The following RPS6KA5 variants were observed in gnomAD, a reference collection of about 807,000 sequenced individuals.
RPS6KA5 encodes ribosomal protein S6 kinase alpha-5.
RPS6KA5 carries 27 observed loss-of-function variants against 85.5 expected under a neutral mutation model. The ratio of observed to expected loss-of-function variants is 0.32; its 90% CI spans 0.23 to 0.44. The LOEUF (loss-of-function observed/expected upper bound fraction) is 0.44. Among genes scored for constraint, RPS6KA5 ranks in the 20% least tolerant of loss-of-function variants. The pLI, the probability that RPS6KA5 is intolerant of heterozygous loss-of-function variation, is 1.00. For missense variants in RPS6KA5, 811 were observed against 980.9 expected (o/e 0.83, Z 2.31); for synonymous variants, 334 against 348.2 (o/e 0.96, Z 0.46).
chr14:91,019,720 G>A (rs529240570), intron 1 of RPS6KA5, among the ~76,000 whole-genome samples: 10 of 152,190 alleles, frequency 6.6e-5, no homozygotes, highest in Admixed American at 2.0e-4. Flanking sequence ...TGGCAGTAGC[G>A]GTAAGCCATA....
rs1161007747 is a variant in RPS6KA5, at chr14:90,889,090, T to G, written c.1836+1397A>C. Among the ~76,000 whole-genome samples the G allele has an allele frequency of 2.0e-5, 3 of 152,090 alleles. No homozygotes were observed. The East Asian group carries it at 5.8e-4, about 29-fold the overall frequency. On this transcript the variant is annotated intron_variant, in intron 14 of 16. Coordinates refer to ENST00000614987, the MANE Select transcript of RPS6KA5 (RefSeq NM_004755.4). ...AGGCGGATCACCCGAGGTCAGGAGT[T>G]TGAGACCAGCCTGACCAACATGGTA...
intron 13 of RPS6KA5, chr14:90,894,156 A>G: frequency 9.0e-7 from 1 of 1,109,616 alleles, no homozygotes; most frequent in South Asian, 4.4e-5. Flanking sequence ...TGCATAAAGT[A>G]TTTTTTCCAT....
At chr14:90,954,512 C>T (rs1391283521) in intron 3 of RPS6KA5, among the ~76,000 whole-genome samples, 1 of 152,208 alleles carries the variant, frequency 6.6e-6, no homozygotes, top group African/African-American at 2.4e-5. Context: ...CTCCCGGGTT[C>T]AAGTGATTCT....
intron 14 of RPS6KA5, among the ~76,000 whole-genome samples, chr14:90,889,170 T>C (rs564425975): frequency 1.3e-5 from 2 of 152,052 alleles, no homozygotes; most frequent in South Asian, 4.2e-4. Context: ...GGTGCACACT[T>C]GTAATCCCAG....
intron 7 of RPS6KA5, among the ~76,000 whole-genome samples, chr14:90,914,258 T>C (rs1450522413): frequency 6.7e-6 from 1 of 150,202 alleles, no homozygotes; most frequent in Non-Finnish European, 1.5e-5. Context: ...ATAGGCAGAC[T>C]GATGATGTTT....
rs867795205 is a variant in RPS6KA5, at chr14:91,034,404, C to T, written c.103+25928G>A. On this transcript the variant is annotated intron_variant, in intron 1 of 16. Transcript: ENST00000614987. ...GTGAAGCCAGCTGGACTTCCTGGGT[C>T]GAGTGGGGTCTAGCTAGAGGATTAT... 1.2e-4 allele frequency among the ~76,000 whole-genome samples: 18 copies of T among 151,924 alleles called. No individual in the cohort carries two copies. In the South Asian group the frequency reaches 1.2e-3, roughly 11 times the overall value.
intron 7 of RPS6KA5, among the ~76,000 whole-genome samples, chr14:90,907,206 T>C (rs968819485): frequency 2.0e-5 from 3 of 152,322 alleles, no homozygotes; most frequent in Admixed American, 2.0e-4. Flanking sequence ...AGATTCCCTA[T>C]TGTGCATTAA....
rs770066933 is a variant in RPS6KA5 at position 91,044,327 on chromosome 14, GAGAA to G, written c.103+16001_103+16004del. ...AGAAAGAGAGAGAGAGAAAGAGAGA[GAGAA>G]AGATAGACAAAGAAAGAAAGAAAGA... On this transcript the variant is annotated intron_variant, in intron 1 of 16. Transcript: ENST00000614987. Among the ~76,000 whole-genome samples, 151 of 126,008 alleles carry G rather than the reference GAGAA, an allele frequency of 1.2e-3. 1 individual carries two copies. Among genetic ancestry groups the G allele is most frequent in the Admixed American group, 2.8e-3 (33 of 11,874 alleles). The allele number at this position is 126,008 out of a possible 152,430, so 82.7% of individuals were successfully genotyped here. A position where few individuals can be genotyped will look rare whatever the true frequency, so the allele number is the denominator to read the frequency against.
intron 2 of RPS6KA5, among the ~76,000 whole-genome samples, chr14:90,980,452 C>T (rs1286075): frequency 0.19 from 28,272 of 152,194 alleles, 2,786 homozygotes; most frequent in East Asian, 0.32. Context: ...CTTCCTAGTA[C>T]ATCTGTCCGC....
intron 7 of RPS6KA5, among the ~76,000 whole-genome samples, chr14:90,913,405 C>T (rs918372895): frequency 6.6e-6 from 1 of 152,120 alleles, no homozygotes; most frequent in African/African-American, 2.4e-5. Flanking sequence ...CTGAAAAGAG[C>T]TTTCTTTTTA....
At chr14:90,935,796 G>C (rs1232598443) in intron 5 of RPS6KA5, among the ~76,000 whole-genome samples, 1 of 152,052 alleles carries the variant, frequency 6.6e-6, no homozygotes, top group Non-Finnish European at 1.5e-5. Context: ...CTGGGGATTC[G>C]TGTTAATGAT....
At chr14:90,962,683 C>T (rs1268829291) in intron 3 of RPS6KA5, among the ~76,000 whole-genome samples, 1 of 151,978 alleles carries the variant, frequency 6.6e-6, no homozygotes, top group Non-Finnish European at 1.5e-5. Flanking sequence ...AGTACTGTAC[C>T]TTTAACGTAG....
chr14:90,875,108 G>A (rs1236236144), intron 15 of RPS6KA5, 93 bp downstream of exon 15: 7 of 1,224,026 alleles, frequency 5.7e-6, no homozygotes, highest in Non-Finnish European at 8.0e-6. Context: ...TGGATTCCTC[G>A]AGTAATTAAC....
intron 3 of RPS6KA5, among the ~76,000 whole-genome samples, chr14:90,948,264 T>G (rs1308851136): frequency 6.6e-6 from 1 of 152,252 alleles, no homozygotes; most frequent in Non-Finnish European, 1.5e-5. Flanking sequence ...AAGATATTTC[T>G]TCATAAACGC....
intron 3 of RPS6KA5, among the ~76,000 whole-genome samples, chr14:90,965,426 T>G (rs765357559): frequency 1.3e-5 from 2 of 152,106 alleles, no homozygotes; most frequent in African/African-American, 2.4e-5. Context: ...CAATCTGACA[T>G]ACATTTCCAA....
intron 1 of RPS6KA5, among the ~76,000 whole-genome samples, chr14:91,049,470 C>A (rs2042984969): frequency 1.3e-5 from 2 of 152,156 alleles, no homozygotes; most frequent in South Asian, 4.1e-4. Flanking sequence ...AAAAAATTAG[C>A]TAGGCATGGT....
At chr14:90,885,570 A>C (rs2034145799) in intron 14 of RPS6KA5, among the ~76,000 whole-genome samples, 3 of 62,264 alleles carry the variant, frequency 4.8e-5, no homozygotes, top group African/African-American at 1.5e-4. Flanking sequence ...AAAAAAAAAA[A>C]AAAAAAAAAA....
chr14:90,975,277 A>C (rs544792261), intron 3 of RPS6KA5, among the ~76,000 whole-genome samples: 7 of 152,348 alleles, frequency 4.6e-5, no homozygotes, highest in African/African-American at 1.4e-4. Flanking sequence ...GTTCTTGCTA[A>C]TACCTCACAA....
intron 1 of RPS6KA5, among the ~76,000 whole-genome samples, chr14:91,056,252 T>C (rs918200381): frequency 6.6e-6 from 1 of 152,202 alleles, no homozygotes; most frequent in Non-Finnish European, 1.5e-5. Context: ...CAGCAACTCC[T>C]CCTCTTCTTA....
Sources: gnomAD v4.1 joint callset for allele counts (sites outside exome capture counted in the v4.1 genomes callset) on GRCh38, gnomAD v4.1.1 for gene constraint, MANE v1.5 for transcripts, NCBI Gene and HGNC (gene_info 2026-07-23, HGNC 2026-07-21) for gene names.